Variants in ARRDC4 observed in about 807,000 individuals in gnomAD.
ARRDC4 encodes arrestin domain containing 4.
Under a neutral mutation model 44.6 loss-of-function variants are expected in ARRDC4, and 40 were observed. That is an observed-to-expected ratio of 0.90 (90% CI 0.70 to 1.17). The LOEUF is 1.17. Among genes scored for constraint, ARRDC4 ranks in the 50% most tolerant of loss-of-function variants. ARRDC4 has a pLI of 0.00. For missense variants in ARRDC4, 550 were observed against 559.1 expected, an observed-to-expected ratio of 0.98 and a Z score of 0.16; for synonymous variants, 211 against 221.2, an observed-to-expected ratio of 0.95 and a Z score of 0.41.
At position 97,970,181 on chromosome 15, in the gene ARRDC4, T is replaced by C; in HGVS notation, c.1045+136T>C. Reference sequence around the variant, plus strand: ...TATCTTTATTCCTACTACTAAAAAATCAGAAAGCATTAGTCCTGGGAGGGA... The same window carrying C: ...TATCTTTATTCCTACTACTAAAAAACCAGAAAGCATTAGTCCTGGGAGGGA... On this transcript the variant is annotated intron_variant, in intron 6 of 7. Transcript: ENST00000268042. The surrounding 1 kb of genome is among the most constrained non-coding windows in gnomAD (Gnocchi z 4.2). 2 of 1,018,352 alleles carry C rather than the reference T, an allele frequency of 2.0e-6. No homozygotes were observed. Among genetic ancestry groups the C allele is most frequent in the Non-Finnish European group, 2.7e-6 (2 of 744,608 alleles). 63.1% of individuals were successfully genotyped at this position (1,018,352 alleles called of 1,614,324 possible).
At chr15:97,964,768 G>T (rs770047481) in intron 1 of ARRDC4, among the ~76,000 whole-genome samples, 6 of 152,010 alleles carry the variant, frequency 3.9e-5, no homozygotes, top group Non-Finnish European at 8.8e-5. Context: ...TACATGACTT[G>T]CTTAATAGCT....
rs370048083 is a variant in ARRDC4, at chr15:97,969,236, A to T, written c.739A>T (p.Ile247Phe). 6.2e-7 allele frequency: 1 copy of T among 1,613,976 alleles called. No homozygotes were observed. The highest frequency in any genetic ancestry group is 8.5e-7 in the Non-Finnish European group (1 of 1,179,914). The change falls in exon 5 of 8, where the codon ATT becomes TTT. Residue 247 changes from isoleucine to phenylalanine, a missense_variant. Coordinates refer to ENST00000268042, the MANE Select transcript of ARRDC4 (RefSeq NM_183376.3). ...TYLASGKTKT[I>F]RHMVANVRGN... ...TTTGGCTAGTGGAAAAACAAAGACC[A>T]TTCGACACATGGTCGCCAATGTGCG...
Position 97,966,184 on chromosome 15 carries a change from T to A in ARRDC4, c.522+142T>A. 1.1e-6 allele frequency: 1 copy of A among 945,456 alleles called. No individual in the cohort carries two copies. The highest frequency in any genetic ancestry group is 1.6e-6 in the Non-Finnish European group (1 of 640,574). The allele number at this position is 945,456 out of a possible 1,614,324, so 58.6% of individuals were successfully genotyped here. ...TGATGGCTTGGAAAACACAATCTTG[T>A]AACCCAAAGGCATTCACTATAAATA... On this transcript the variant is annotated intron_variant, in intron 3 of 7. Transcript: ENST00000268042. The surrounding 1 kb of genome is among the most constrained non-coding windows in gnomAD (Gnocchi z 4.7).
In ARRDC4 at chr15:97,970,545, A is replaced by G. The variant is rs1437020322; in HGVS notation, c.1046-44A>G. 5.1e-6 allele frequency: 8 copies of G among 1,570,370 alleles called. No homozygotes were observed. Among genetic ancestry groups the G allele is most frequent in the African/African-American group, 1.4e-5 (1 of 73,574 alleles). ...TTGTAGCAGTTAAGAATCGAGATTA[A>G]TTTTTGAGTGGATTTCTTAACTCCA... On this transcript the variant is annotated intron_variant, in intron 6 of 7. Transcript: ENST00000268042. This position sits in a 1 kb window ranked among gnomAD's most constrained non-coding sequence, Gnocchi z 4.2.
intron 4 of ARRDC4, 59 bp from the exon 5 acceptor site, chr15:97,969,064 T>C (rs78893610): frequency 0.037 from 57,243 of 1,564,844 alleles, 2,422 homozygotes; most frequent in African/African-American, 0.22. Flanking sequence ...CCCTAATCCA[T>C]TGTGGTGAGA....
In ARRDC4 at chr15:97,969,922, G is replaced by A. The variant is rs767936367; in HGVS notation, c.922G>A (p.Glu308Lys). 13 of 1,601,466 alleles carry A rather than the reference G, an allele frequency of 8.1e-6. No homozygotes were observed. In the East Asian group the frequency reaches 1.3e-4, roughly 17 times the overall value. ...TCCTGGTGCTAAAAAATTGATGCTC[G>A]AACTGCCATTAGTGATCGGTACAAT... Reference protein sequence around the residue: ...HIPGAKKLMLELPLVIGTIPY... With the variant: ...HIPGAKKLMLKLPLVIGTIPY... Residue 308 changes from glutamate (E) to lysine (K), a missense_variant, in exon 6 of 8, where the codon GAA becomes AAA. Physicochemically the swap from Glu to Lys is moderately conservative, Grantham distance 56. Coordinates refer to ENST00000268042, the MANE Select transcript of ARRDC4 (RefSeq NM_183376.3).
chr15:97,967,890 A>G lies in ARRDC4; in HGVS notation c.523-124A>G. 1.8e-6 allele frequency: 1 copy of G among 563,084 alleles called. No homozygotes were observed. The highest frequency in any genetic ancestry group is 3.0e-6 in the Non-Finnish European group (1 of 337,368). The allele number at this position is 563,084 out of a possible 1,614,324, so 34.9% of individuals were successfully genotyped here. On this transcript the variant is annotated intron_variant, in intron 3 of 7. Transcript: ENST00000268042. The surrounding 1 kb of genome is among the most constrained non-coding windows in gnomAD (Gnocchi z 5.0). ...GCCTAATATGTTACATGAGGATAAG[A>G]AAGTTTGATTCATTTTTTTGGTATT...
At position 97,970,832 on chromosome 15, in the gene ARRDC4, G is replaced by T. The variant is rs887763916; in HGVS notation, c.1200+89G>T. 2.1e-6 allele frequency: 3 copies of T among 1,421,388 alleles called. No homozygotes were observed. The African/African-American group carries it at 4.3e-5, about 20-fold the overall frequency. 88.0% of individuals were successfully genotyped at this position (1,421,388 alleles called of 1,614,324 possible). ...TCCGTTCATTAGAGTGTCTGTTGCT[G>T]ACTCATAATTAGTAAGGGATACATT... On this transcript the variant is annotated intron_variant, in intron 7 of 7. Transcript: ENST00000268042. The surrounding 1 kb of genome is among the most constrained non-coding windows in gnomAD (Gnocchi z 4.2).
In ARRDC4 at chr15:97,971,257, GAA is replaced by G; in HGVS notation, c.*72_*73del. ...GGTTCTTTTCCTTCTGCCTTTTTGG[GAA>G]AGAGACAGGAAAGATTCACTTGAAA... On this transcript the variant is annotated 3_prime_UTR_variant, in exon 8 of 8. Transcript: ENST00000268042. 7.0e-7 allele frequency: 1 copy of G among 1,433,588 alleles called. No individual in the cohort carries two copies. The highest frequency in any genetic ancestry group is 9.8e-7 in the Non-Finnish European group (1 of 1,019,034). The allele number at this position is 1,433,588 out of a possible 1,614,324, so 88.8% of individuals were successfully genotyped here. A position where few individuals can be genotyped will look rare whatever the true frequency, so the allele number is the denominator to read the frequency against.
intron 1 of ARRDC4, among the ~76,000 whole-genome samples, chr15:97,964,453 T>C (rs1899380158): frequency 6.6e-6 from 1 of 152,208 alleles, no homozygotes; most frequent in Admixed American, 6.5e-5. Context: ...GGACAGTGTA[T>C]AAGTCTCTCA....
rs1899428474 is a variant in ARRDC4 at position 97,967,010 on chromosome 15, T to A, written c.522+968T>A. 6.6e-6 allele frequency among the ~76,000 whole-genome samples: 1 copy of A among 152,198 alleles called. No individual in the cohort carries two copies. The highest frequency in any genetic ancestry group is 2.4e-5 in the African/African-American group (1 of 41,446). ...TAGAATTTAATGTTCACCTTTAGAT[T>A]ATGAAAAGATAGCAGATATGCTGTG... On this transcript the variant is annotated intron_variant, in intron 3 of 7. Coordinates refer to ENST00000268042, the MANE Select transcript of ARRDC4 (RefSeq NM_183376.3). The surrounding 1 kb of genome is among the most constrained non-coding windows in gnomAD (Gnocchi z 5.0).
rs1899548978 is a variant in ARRDC4 at position 97,973,498 on chromosome 15, T to C, written c.*2311T>C. The C allele has an allele frequency of 6.6e-6, 1 of 152,608 alleles. No individual in the cohort carries two copies. The highest frequency in any genetic ancestry group is 2.1e-4 in the South Asian group (1 of 4,830). The allele number at this position is 152,608 out of a possible 1,614,324, so 9.5% of individuals were successfully genotyped here. ...AATACCTGGGAATGAAGATTAAAAA[T>C]GTAGCTGCTGTTATTTGCTTGGTTA... On this transcript the variant is annotated 3_prime_UTR_variant, in exon 8 of 8. Coordinates refer to ENST00000268042, the MANE Select transcript of ARRDC4 (RefSeq NM_183376.3).
chr15:97,965,470 T>C lies in ARRDC4; in HGVS notation c.308-130T>C, dbSNP rs78820833. On this transcript the variant is annotated intron_variant, in intron 1 of 7. Coordinates refer to ENST00000268042, the MANE Select transcript of ARRDC4 (RefSeq NM_183376.3). This position sits in a 1 kb window ranked among gnomAD's most constrained non-coding sequence, Gnocchi z 5.1. ...CTTCAAACTTAATTCTCTACATTTG[T>C]TTAATGAACTTTTGGAGTATGCTGC... 25,889 of 734,764 alleles carry C rather than the reference T, an allele frequency of 0.035. 558 individuals are homozygous for C. The highest frequency in any genetic ancestry group is 0.05 in the Middle Eastern group (128 of 2,538). 45.5% of individuals were successfully genotyped at this position (734,764 alleles called of 1,614,324 possible).
rs916503475 is a variant in ARRDC4, at chr15:97,966,346, A to T, written c.522+304A>T. On this transcript the variant is annotated intron_variant, in intron 3 of 7. Coordinates refer to ENST00000268042, the MANE Select transcript of ARRDC4 (RefSeq NM_183376.3). The surrounding 1 kb of genome is among the most constrained non-coding windows in gnomAD (Gnocchi z 4.7). ...ATAAGGCTTAATAACAATAATGCAC[A>T]CACAGAGAGTAGTTACTTTTACCAG... Among the ~76,000 whole-genome samples, 2 of 152,242 alleles carry T rather than the reference A, an allele frequency of 1.3e-5. No individual in the cohort carries two copies. Among genetic ancestry groups the T allele is most frequent in the Non-Finnish European group, 2.9e-5 (2 of 68,038 alleles).
chr15:97,969,578 A>C (rs1899473352), intron 5 of ARRDC4, among the ~76,000 whole-genome samples, 199 bp downstream of exon 5: 1 of 152,192 alleles, frequency 6.6e-6, no homozygotes, highest in South Asian at 2.1e-4. Context: ...CCATAAAAGA[A>C]TTGAGGTGCA....
rs1400139495 is a variant in ARRDC4, at chr15:97,966,872, A to T, written c.522+830A>T. On this transcript the variant is annotated intron_variant, in intron 3 of 7. Transcript: ENST00000268042. This position sits in a 1 kb window ranked among gnomAD's most constrained non-coding sequence, Gnocchi z 4.7. ...AACTTTCCATCACGATACTGATGTG[A>T]CAAAGATGTATTTTTCATGTTGGAG... 1.3e-5 allele frequency among the ~76,000 whole-genome samples: 2 copies of T among 152,250 alleles called. No homozygotes were observed. The highest frequency in any genetic ancestry group is 4.8e-5 in the African/African-American group (2 of 41,460).
At position 97,967,997 on chromosome 15, in the gene ARRDC4, T is replaced by C. The variant is rs1458575026; in HGVS notation, c.523-17T>C. 18 of 1,541,766 alleles carry C rather than the reference T, an allele frequency of 1.2e-5. No homozygotes were observed. The highest frequency in any genetic ancestry group is 1.6e-5 in the Non-Finnish European group (18 of 1,130,928). ...AGTGGCTTAATTAAGGTTGTTTTAT[T>C]GTTTGAAATTTTCAAGACCCCTGTA... On this transcript the variant is annotated splice_polypyrimidine_tract_variant and intron_variant, in intron 3 of 7. Transcript: ENST00000268042. The surrounding 1 kb of genome is among the most constrained non-coding windows in gnomAD (Gnocchi z 5.0).
In ARRDC4 at chr15:97,961,002, C is replaced by G. The variant is rs752777292; in HGVS notation, c.141C>G (p.Ser47=). The change falls in exon 1 of 8, where the codon TCC becomes TCG. Residue 47 remains serine (S), a synonymous_variant. Transcript: ENST00000268042. The stretch of plus-strand genomic sequence containing the variant: ...CCGGGCACGTGCTGCTGGAGGCGTC[C>G]GAGCCGGTGGCCCTGCGCGCGCTGC... ...TVAGHVLLEA[S]EPVALRALRL... is the part of the protein sequence containing the mutation. 2.1e-6 allele frequency: 3 copies of G among 1,448,366 alleles called. No homozygotes were observed. The highest frequency in any genetic ancestry group is 2.7e-6 in the Non-Finnish European group (3 of 1,099,844). The allele number at this position is 1,448,366 out of a possible 1,614,324, so 89.7% of individuals were successfully genotyped here. A position where few individuals can be genotyped will look rare whatever the true frequency, so the allele number is the denominator to read the frequency against.
At position 97,965,412 on chromosome 15, in the gene ARRDC4, C is replaced by T. The variant is rs1264370292; in HGVS notation, c.308-188C>T. Among the ~76,000 whole-genome samples the T allele has an allele frequency of 6.6e-6, 1 of 151,210 alleles. No individual in the cohort carries two copies. ...TGGGCAATAGAGCGAGACCCTGTCT[C>T]TAAAACACATAGACACACGCACACA... is the stretch of plus-strand genomic sequence containing the variant. On this transcript the variant is annotated intron_variant, in intron 1 of 7. Transcript: ENST00000268042. The surrounding 1 kb of genome is among the most constrained non-coding windows in gnomAD (Gnocchi z 5.1).
Sources: allele counts gnomAD v4.1 joint callset (sites outside exome capture counted in the v4.1 genomes callset), GRCh38; gene constraint gnomAD v4.1.1; non-coding constraint Gnocchi (gnomAD v3.1); transcripts MANE v1.5; gene names NCBI Gene and HGNC (gene_info 2026-07-23, HGNC 2026-07-21).